The following FERRY3 variants were observed in gnomAD, a reference collection of about 807,000 sequenced individuals.
FERRY3 encodes the protein protein C12orf4.
At chr12:4,502,900 G>A in the FERRY3 span, among the ~76,000 whole-genome samples, 1 of 152,156 alleles carries the variant, frequency 6.6e-6, no homozygotes, top group African/African-American at 2.4e-5. This position sits in a 1 kb window ranked among gnomAD's most constrained non-coding sequence, Gnocchi z 4.2. Context: ...TAAAGTGACA[G>A]TAAAAAAGAA....
At chr12:4,501,391 G>A in the FERRY3 span, among the ~76,000 whole-genome samples, 2 of 152,144 alleles carry the variant, frequency 1.3e-5, no homozygotes, top group Admixed American at 1.3e-4. Flanking sequence ...GGTCCCTCAT[G>A]GACTGGCACC....
the FERRY3 span, among the ~76,000 whole-genome samples, chr12:4,507,381 TACTC>T: frequency 6.6e-6 from 1 of 152,324 alleles, no homozygotes; most frequent in South Asian, 2.1e-4. Context: ...GATTTTCTAA[TACTC>T]AGCTGGCTCT....
chr12:4,527,982 G>T, the FERRY3 span, among the ~76,000 whole-genome samples: 2 of 151,914 alleles, frequency 1.3e-5, no homozygotes, highest in East Asian at 3.8e-4. Flanking sequence ...AAAAGATGAA[G>T]AATCATGTAG....
the FERRY3 span, among the ~76,000 whole-genome samples, chr12:4,536,595 A>G: frequency 6.6e-6 from 1 of 152,186 alleles, no homozygotes; most frequent in East Asian, 1.9e-4. Flanking sequence ...AAGAAAGTCA[A>G]AGAAGCAGAT....
At chr12:4,531,168 G>A in the FERRY3 span, among the ~76,000 whole-genome samples, 1 of 152,104 alleles carries the variant, frequency 6.6e-6, no homozygotes, top group Non-Finnish European at 1.5e-5. Flanking sequence ...CACATCAAAA[G>A]GCAGGAGACT....
chr12:4,504,150 T>A, the FERRY3 span, among the ~76,000 whole-genome samples: 1 of 152,220 alleles, frequency 6.6e-6, no homozygotes, highest in Non-Finnish European at 1.5e-5. Flanking sequence ...CCTGACAAGA[T>A]GAATACCAGC....
chr12:4,515,476 A>G, the FERRY3 span, among the ~76,000 whole-genome samples: 1 of 152,182 alleles, frequency 6.6e-6, no homozygotes, highest in East Asian at 1.9e-4. Context: ...TAAACAAGAA[A>G]ATCCTGCCAT....
the FERRY3 span, among the ~76,000 whole-genome samples, chr12:4,494,574 A>C: frequency 1.3e-5 from 2 of 152,250 alleles, no homozygotes; most frequent in African/African-American, 4.8e-5. Context: ...AACAACACTG[A>C]AAAGATTATC....
chr12:4,537,233 T>C, the FERRY3 span, among the ~76,000 whole-genome samples: 3 of 152,234 alleles, frequency 2.0e-5, no homozygotes, highest in Non-Finnish European at 4.4e-5. Flanking sequence ...CTTAATTTCA[T>C]TGGATAACAA....
the FERRY3 span, among the ~76,000 whole-genome samples, chr12:4,506,346 G>A: frequency 6.6e-6 from 1 of 152,120 alleles, no homozygotes; most frequent in African/African-American, 2.4e-5. Flanking sequence ...AGTTTTAAAA[G>A]AGATCTGAAT....
At chr12:4,489,820 G>A in the FERRY3 span, 1 of 1,603,718 alleles carries the variant, frequency 6.2e-7, no homozygotes, top group Admixed American at 1.7e-5. Flanking sequence ...GTGCTTGGAT[G>A]TCAGAGTGAG....
chr12:4,499,968 A>G, the FERRY3 span, among the ~76,000 whole-genome samples: 1 of 152,176 alleles, frequency 6.6e-6, no homozygotes, highest in Non-Finnish European at 1.5e-5. Context: ...ATGGTTAAGG[A>G]TTATTCACCA....
At chr12:4,529,430 G>T in the FERRY3 span, among the ~76,000 whole-genome samples, 1 of 152,164 alleles carries the variant, frequency 6.6e-6, no homozygotes, top group African/African-American at 2.4e-5. Context: ...CAGTTCTGAA[G>T]TCAGGTTTCC....
At chr12:4,488,648 T>C in the FERRY3 span, 1 of 152,206 alleles carries the variant, frequency 6.6e-6, no homozygotes, top group Admixed American at 6.5e-5. This position sits in a 1 kb window ranked among gnomAD's most constrained non-coding sequence, Gnocchi z 4.9. Context: ...ATAATAGTTA[T>C]TACACTGAGG....
At chr12:4,502,300 T>C in the FERRY3 span, 1 of 387,112 alleles carries the variant, frequency 2.6e-6, no homozygotes, top group African/African-American at 2.1e-5. The surrounding 1 kb of genome is among the most constrained non-coding windows in gnomAD (Gnocchi z 4.2). Flanking sequence ...CTTTAGCAAG[T>C]AGAACAGCAC....
At chr12:4,535,039 GAAGT>G in the FERRY3 span, among the ~76,000 whole-genome samples, 1 of 152,206 alleles carries the variant, frequency 6.6e-6, no homozygotes, top group Non-Finnish European at 1.5e-5. This position sits in a 1 kb window ranked among gnomAD's most constrained non-coding sequence, Gnocchi z 4.0. Flanking sequence ...CTTTGAAAGA[GAAGT>G]TAAATGACTA....
chr12:4,491,235 C>T, the FERRY3 span: 1 of 1,611,648 alleles, frequency 6.2e-7, no homozygotes, highest in Non-Finnish European at 8.5e-7. Flanking sequence ...TAGTCATTTC[C>T]TAAAAACAGA....
At chr12:4,533,458 T>A in the FERRY3 span, among the ~76,000 whole-genome samples, 2 of 152,218 alleles carry the variant, frequency 1.3e-5, no homozygotes, top group African/African-American at 4.8e-5. Context: ...CCGAAACTGA[T>A]CTTGCCACAG....
At chr12:4,535,157 CT>C in the FERRY3 span, among the ~76,000 whole-genome samples, 1 of 152,156 alleles carries the variant, frequency 6.6e-6, no homozygotes, top group African/African-American at 2.4e-5. This position sits in a 1 kb window ranked among gnomAD's most constrained non-coding sequence, Gnocchi z 4.0. Flanking sequence ...GTTAGGACAC[CT>C]GTGTTCTGGC....
Sources: gnomAD v4.1 joint callset for allele counts (sites outside exome capture counted in the v4.1 genomes callset) on GRCh38, gnomAD v4.1.1 for gene constraint, Gnocchi (gnomAD v3.1) non-coding constraint, MANE v1.5 for transcripts, NCBI Gene and HGNC (gene_info 2026-07-23, HGNC 2026-07-21) for gene names.